MLYCD: variants seen among roughly 807,000 people sequenced by gnomAD.
The protein encoded by MLYCD is malonyl-CoA decarboxylase.
In MLYCD, 27 loss-of-function variants were observed where a neutral mutation model predicts 35.8. The observed-to-expected ratio is 0.75, with a 90% CI of 0.56 to 1.04. The LOEUF is 1.04. Ranked by LOEUF, MLYCD falls within the 50% of genes least tolerant of loss-of-function variation. The pLI is 0.00. For missense variants in MLYCD, 917 were observed against 665.1 expected (o/e 1.38, Z -4.17); for synonymous variants, 403 against 302.4 (o/e 1.33, Z -3.45).
At chr16:83,899,800 G>C in intron 1 of MLYCD, 128 bp downstream of exon 1, 1 of 1,182,210 alleles carries the variant, frequency 8.5e-7, no homozygotes, top group Non-Finnish European at 1.1e-6. Context: ...TTCGCCCGCA[G>C]TTACCGCCTG....
chr16:83,914,269 G>A (rs1907290601), intron 4 of MLYCD: 1 of 158,166 alleles, frequency 6.3e-6, no homozygotes, highest in South Asian at 1.9e-4. Flanking sequence ...AGAGATACCC[G>A]CAGCGTCCCC....
intron 4 of MLYCD, chr16:83,913,404 T>C (rs1907252146): frequency 6.6e-6 from 1 of 152,426 alleles, no homozygotes; most frequent in South Asian, 2.1e-4. Flanking sequence ...TCGGGGGAGT[T>C]GGGCCTTAGC....
In MLYCD at chr16:83,922,168, C is replaced by A. The variant is rs924038117; in HGVS notation, c.*6679C>A. The A allele has an allele frequency of 1.3e-5, 2 of 152,292 alleles. No individual in the cohort carries two copies. Among genetic ancestry groups the A allele is most frequent in the African/African-American group, 4.8e-5 (2 of 41,414 alleles). The allele number at this position is 152,292 out of a possible 1,614,324, so 9.4% of individuals were successfully genotyped here. ...ACCCCACCCCTGCCACAGAGCCTGC[C>A]CCCCCGAGTGTTCCCCATCTCAGTC... On this transcript the variant is annotated 3_prime_UTR_variant, in exon 5 of 5. Transcript: ENST00000262430.
In MLYCD at chr16:83,908,213, T is replaced by G; in HGVS notation, c.729T>G (p.Cys243Trp). The change falls in exon 3 of 5, where the codon TGT becomes TGG. Residue 243 changes from cysteine to tryptophan, a missense_variant. Physicochemically the swap from Cys to Trp is radical, Grantham distance 215. Transcript: ENST00000262430. The stretch of plus-strand genomic sequence containing the variant: ...GAAGGTGTTACTTCTTTTCTCACTG[T>G]TCGACCCCTGGGGAGCCCCTGGTCG... ...PYRRCYFFSH[C>W]STPGEPLVVL... 1 of 1,614,240 alleles carries G rather than the reference T, an allele frequency of 6.2e-7. No homozygotes were observed. The highest frequency in any genetic ancestry group is 8.5e-7 in the Non-Finnish European group (1 of 1,180,036).
At position 83,915,544 on chromosome 16, in the gene MLYCD, G is replaced by A; in HGVS notation, c.*55G>A. 6.3e-7 allele frequency: 1 copy of A among 1,589,828 alleles called. No individual in the cohort carries two copies. The highest frequency in any genetic ancestry group is 8.5e-7 in the Non-Finnish European group (1 of 1,175,562). On this transcript the variant is annotated 3_prime_UTR_variant, in exon 5 of 5. Coordinates refer to ENST00000262430, the MANE Select transcript of MLYCD (RefSeq NM_012213.3). ...CGGCTAAGAAAACGATCATTTTCAG[G>A]AGGGGCCGGGAGTTATGTATCTGAA...
Position 83,914,945 on chromosome 16 carries a change from A to G in MLYCD, c.949-11A>G, listed in dbSNP as rs1206647543. ...CTCCGCCTTCCTTTCCACCCCAACC[A>G]TGCTTTACAGAGAGAGTTTCCTCAC... is the stretch of plus-strand genomic sequence containing the variant. On this transcript the variant is annotated splice_polypyrimidine_tract_variant and intron_variant, in intron 4 of 4. Transcript: ENST00000262430. 5 of 1,614,040 alleles carry G rather than the reference A, an allele frequency of 3.1e-6. No individual in the cohort carries two copies. Among genetic ancestry groups the G allele is most frequent in the Admixed American group, 1.7e-5 (1 of 60,008 alleles).
In MLYCD at chr16:83,916,341, G is replaced by T; in HGVS notation, c.*852G>T. The T allele has an allele frequency of 3.4e-6, 1 of 295,670 alleles. No homozygotes were observed. The highest frequency in any genetic ancestry group is 5.1e-6 in the Non-Finnish European group (1 of 197,942). The allele number at this position is 295,670 out of a possible 1,614,324, so 18.3% of individuals were successfully genotyped here. A position where few individuals can be genotyped will look rare whatever the true frequency, so the allele number is the denominator to read the frequency against. On this transcript the variant is annotated 3_prime_UTR_variant, in exon 5 of 5. Transcript: ENST00000262430. Reference sequence around the variant, plus strand: ...GCAGTCATTGTGCTTGTGGGAGGAAGGCAGTTGTGTTTGTGTGTGTATGTG... The same window carrying T: ...GCAGTCATTGTGCTTGTGGGAGGAATGCAGTTGTGTTTGTGTGTGTATGTG...
At chr16:83,900,246 G>C (rs1204344267) in intron 1 of MLYCD, among the ~76,000 whole-genome samples, 1 of 152,118 alleles carries the variant, frequency 6.6e-6, no homozygotes, top group East Asian at 1.9e-4. Flanking sequence ...AACTCCCTGC[G>C]TTCAGTACTT....
At chr16:83,912,693 G>T in intron 4 of MLYCD, 1 of 378,256 alleles carries the variant, frequency 2.6e-6, no homozygotes, top group Non-Finnish European at 5.1e-6. Flanking sequence ...GTGTCATCCT[G>T]GTGTAAGTGT....
In MLYCD at chr16:83,921,548, G is replaced by T; in HGVS notation, c.*6059G>T. 6.6e-6 allele frequency: 1 copy of T among 152,192 alleles called. No individual in the cohort carries two copies. 9.4% of individuals were successfully genotyped at this position (152,192 alleles called of 1,614,324 possible). A position where few individuals can be genotyped will look rare whatever the true frequency, so the allele number is the denominator to read the frequency against. ...TTGATGGCGGAGGATGTTAGGATGG[G>T]TGGATGGATGTATTAACATCCCTTC... On this transcript the variant is annotated 3_prime_UTR_variant, in exon 5 of 5. Transcript: ENST00000262430.
In MLYCD at chr16:83,923,083, C is replaced by T. The variant is rs1025295917; in HGVS notation, c.*7594C>T. ...CCTCTCTGTCTCTCTGTGTCTTTCT[C>T]TTTCTACCCTCTCCATCCCTCCTTC... On this transcript the variant is annotated 3_prime_UTR_variant, in exon 5 of 5. Coordinates refer to ENST00000262430, the MANE Select transcript of MLYCD (RefSeq NM_012213.3). The T allele has an allele frequency of 6.6e-6, 1 of 152,300 alleles. No individual in the cohort carries two copies. The highest frequency in any genetic ancestry group is 1.5e-5 in the Non-Finnish European group (1 of 68,090). 9.4% of individuals were successfully genotyped at this position (152,300 alleles called of 1,614,324 possible).
rs552768860 is a variant in MLYCD at position 83,921,042 on chromosome 16, G to A, written c.*5553G>A. ...TGGAGGGTGGATAGAAGGAAGATGGGTATATGAATAGATGGCTGGGTGGGT... is the reference window on the plus strand; with the variant it reads ...TGGAGGGTGGATAGAAGGAAGATGGATATATGAATAGATGGCTGGGTGGGT... On this transcript the variant is annotated 3_prime_UTR_variant, in exon 5 of 5. Transcript: ENST00000262430. 1.6e-3 allele frequency: 243 copies of A among 148,816 alleles called. No individual in the cohort carries two copies. Among genetic ancestry groups the A allele is most frequent in the African/African-American group, 5.7e-3 (231 of 40,268 alleles). 9.2% of individuals were successfully genotyped at this position (148,816 alleles called of 1,614,324 possible).
chr16:83,900,574 C>T (rs1206137520), intron 1 of MLYCD, among the ~76,000 whole-genome samples: 1 of 150,766 alleles, frequency 6.6e-6, no homozygotes, highest in African/African-American at 2.4e-5. Flanking sequence ...GGCCACCATG[C>T]CCGGCTAATT....
Position 83,918,478 on chromosome 16 carries a change from A to G in MLYCD, c.*2989A>G, listed in dbSNP as rs1323939212. The G allele has an allele frequency of 7.3e-6, 1 of 136,390 alleles. No homozygotes were observed. The highest frequency in any genetic ancestry group is 2.5e-4 in the East Asian group (1 of 3,936). 8.4% of individuals were successfully genotyped at this position (136,390 alleles called of 1,614,324 possible). The stretch of plus-strand genomic sequence containing the variant: ...ACACACGGTGCACAGGAGAACACAC[A>G]CAGTGCACAGGAGAACACGCACAGT... On this transcript the variant is annotated 3_prime_UTR_variant, in exon 5 of 5. Coordinates refer to ENST00000262430, the MANE Select transcript of MLYCD (RefSeq NM_012213.3).
chr16:83,908,389 TAAATAAATGGTTTTGGGC>T, intron 3 of MLYCD, 107 bp downstream of exon 3: 2 of 1,247,872 alleles, frequency 1.6e-6, no homozygotes, highest in Non-Finnish European at 2.2e-6. Context: ...TTTTTTTTTT[TAAATAAATGGTTTTGGGC>T]TTTTTTAAAT....
Position 83,912,316 on chromosome 16 carries a change from A to G in MLYCD, c.897A>G (p.Gln299=), listed in dbSNP as rs1907208651. Residue 299 remains glutamine, a synonymous_variant, in exon 4 of 5, where the codon CAA becomes CAG. Coordinates refer to ENST00000262430, the MANE Select transcript of MLYCD (RefSeq NM_012213.3). Reference sequence around the variant, plus strand: ...TCAGCTTGACCCAGCAGGGACTCCAAGGGGTGGAGCTGGGAACATTCCTCA... The same window carrying G: ...TCAGCTTGACCCAGCAGGGACTCCAGGGGGTGGAGCTGGGAACATTCCTCA... ...YSISLTQQGL[Q]GVELGTFLIK... The G allele has an allele frequency of 1.2e-6, 2 of 1,614,190 alleles. No homozygotes were observed. The highest frequency in any genetic ancestry group is 1.6e-4 in the Middle Eastern group (1 of 6,062).
Position 83,908,229 on chromosome 16 carries a change from C to G in MLYCD, c.745C>G (p.Pro249Ala). The G allele has an allele frequency of 6.2e-7, 1 of 1,614,204 alleles. No homozygotes were observed. Among genetic ancestry groups the G allele is most frequent in the Non-Finnish European group, 8.5e-7 (1 of 1,180,030 alleles). Reference protein sequence around the residue: ...FFSHCSTPGEPLVVLHVALTG... With the variant: ...FFSHCSTPGEALVVLHVALTG... ...TTCTCACTGTTCGACCCCTGGGGAG[C>G]CCCTGGTCGTTTTGCACGTGGCACT... The change falls in exon 3 of 5, where the codon CCC (proline) becomes GCC (alanine). Residue 249 changes from proline (P) to alanine (A), a missense_variant. Transcript: ENST00000262430.
At chr16:83,912,066 A>T in intron 3 of MLYCD, 152 bp from the exon 4 acceptor site, 1 of 1,094,548 alleles carries the variant, frequency 9.1e-7, no homozygotes, top group Non-Finnish European at 1.4e-6. Context: ...AGCAGCTTTT[A>T]GGCTCTGTAG....
At chr16:83,907,389 C>T (rs3815812) in intron 2 of MLYCD, among the ~76,000 whole-genome samples, 1 of 152,120 alleles carries the variant, frequency 6.6e-6, no homozygotes, top group Non-Finnish European at 1.5e-5. Flanking sequence ...CATTTTCGCT[C>T]GTCCCAAGAC....
Sources: allele counts gnomAD v4.1 joint callset (sites outside exome capture counted in the v4.1 genomes callset), GRCh38; gene constraint gnomAD v4.1.1; transcripts MANE v1.5; gene names NCBI Gene and HGNC (gene_info 2026-07-23, HGNC 2026-07-21).